Variants in CHST9 observed in about 807,000 individuals in gnomAD.
CHST9 encodes the protein carbohydrate sulfotransferase 9.
A neutral mutation model predicts 44.4 loss-of-function variants in CHST9; 41 were observed. The observed-to-expected ratio is 0.92, with a 90% CI of 0.72 to 1.20. The LOEUF (loss-of-function observed/expected upper bound fraction) is 1.20, where lower values mean the gene tolerates loss of function less well. Among genes scored for constraint, CHST9 ranks in the 50% most tolerant of loss-of-function variants. CHST9 has a pLI of 0.00. For synonymous variants in CHST9, 171 were observed against 178.4 expected (o/e 0.96, Z 0.33); for missense variants, 504 against 516.5 (o/e 0.98, Z 0.23).
intron 1 of CHST9, among the ~76,000 whole-genome samples, chr18:27,154,091 T>C (rs1019739136): frequency 8.5e-5 from 13 of 152,158 alleles, no homozygotes; most frequent in Non-Finnish European, 1.9e-4. Context: ...GGCAAGCCAA[T>C]ACATTTTTAT....
At chr18:27,056,752 G>A (rs550823832) in intron 2 of CHST9, among the ~76,000 whole-genome samples, 8 of 152,132 alleles carry the variant, frequency 5.3e-5, no homozygotes, top group African/African-American at 1.9e-4. Context: ...TATCCTTAAG[G>A]TCGATGACTT....
chr18:27,105,380 T>C (rs1326463379), intron 2 of CHST9, among the ~76,000 whole-genome samples: 1 of 152,148 alleles, frequency 6.6e-6, no homozygotes, highest in Non-Finnish European at 1.5e-5. Context: ...GACTTCTGTC[T>C]TTGTCAGACC....
chr18:27,025,690 T>C (rs2057278009), intron 3 of CHST9, among the ~76,000 whole-genome samples: 1 of 152,150 alleles, frequency 6.6e-6, no homozygotes, highest in South Asian at 2.1e-4. Context: ...GGTCCTTCAG[T>C]ACAACTGATC....
At chr18:27,064,638 T>C (rs1450808302) in intron 2 of CHST9, among the ~76,000 whole-genome samples, 1 of 152,216 alleles carries the variant, frequency 6.6e-6, no homozygotes, top group East Asian at 1.9e-4. Context: ...CATAAACATT[T>C]GAAAGAAATG....
At chr18:27,084,063 TG>T (rs1255978541) in intron 2 of CHST9, among the ~76,000 whole-genome samples, 8 of 152,030 alleles carry the variant, frequency 5.3e-5, no homozygotes, top group Non-Finnish European at 8.8e-5. Flanking sequence ...TGAGGATTTT[TG>T]TATCTATGTT....
intron 5 of CHST9, among the ~76,000 whole-genome samples, chr18:26,942,242 G>T (rs1488395255): frequency 6.6e-6 from 1 of 152,046 alleles, no homozygotes; most frequent in Non-Finnish European, 1.5e-5. Context: ...TTTTTGAATT[G>T]TATTGCCAGT....
chr18:27,098,506 T>C (rs1437643644), intron 2 of CHST9, among the ~76,000 whole-genome samples: 1 of 152,146 alleles, frequency 6.6e-6, no homozygotes, highest in Non-Finnish European at 1.5e-5. Flanking sequence ...TGCACATGTA[T>C]GTTTACTCCG....
In CHST9 at chr18:26,908,946, T is replaced by C. The variant is rs181480257; in HGVS notation, c.*7313A>G. Reference sequence around the variant, plus strand: ...TTTTAGTTTTTATTGGAGAAACTCATATTGTCTTCACTTGTTCAATGTGAA... The same window carrying C: ...TTTTAGTTTTTATTGGAGAAACTCACATTGTCTTCACTTGTTCAATGTGAA... On this transcript the variant is annotated 3_prime_UTR_variant, in exon 6 of 6. Coordinates refer to ENST00000618847, the MANE Select transcript of CHST9 (RefSeq NM_031422.6). 1 of 152,368 alleles carries C rather than the reference T, an allele frequency of 6.6e-6. No individual in the cohort carries two copies. 9.4% of individuals were successfully genotyped at this position (152,368 alleles called of 1,614,324 possible).
chr18:26,994,740 C>T (rs1460987985), intron 4 of CHST9, among the ~76,000 whole-genome samples: 3 of 152,022 alleles, frequency 2.0e-5, no homozygotes, highest in African/African-American at 7.2e-5. Flanking sequence ...AGGTGTGTAT[C>T]ACCGCACCCA....
chr18:27,064,724 C>T (rs1450049834), intron 2 of CHST9, among the ~76,000 whole-genome samples: 1 of 151,942 alleles, frequency 6.6e-6, no homozygotes, highest in East Asian at 1.9e-4. Context: ...CTGGCTAGTC[C>T]AGAGACTTTC....
At chr18:27,079,078 G>A (rs544589094) in intron 2 of CHST9, among the ~76,000 whole-genome samples, 42 of 152,166 alleles carry the variant, frequency 2.8e-4, no homozygotes, top group African/African-American at 9.9e-4. Context: ...GCAATGAGTG[G>A]GCGTACTCTG....
chr18:27,042,467 G>A (rs906953580), intron 3 of CHST9, among the ~76,000 whole-genome samples: 1 of 152,070 alleles, frequency 6.6e-6, no homozygotes, highest in African/African-American at 2.4e-5. Context: ...ACTGAATGCA[G>A]AGCTGGGAAG....
At chr18:26,955,704 G>T (rs550866299) in intron 4 of CHST9, among the ~76,000 whole-genome samples, 2 of 152,248 alleles carry the variant, frequency 1.3e-5, no homozygotes, top group East Asian at 3.9e-4. Context: ...TCCAAATAAG[G>T]AAGAGGCAGG....
rs558359119 is a variant in CHST9 at position 27,021,409 on chromosome 18, G to A, written c.202+2707C>T. Among the ~76,000 whole-genome samples the A allele has an allele frequency of 5.3e-5, 8 of 152,084 alleles. No individual in the cohort carries two copies. In the South Asian group the frequency reaches 1.5e-3, roughly 28 times the overall value. On this transcript the variant is annotated intron_variant, in intron 4 of 5. Transcript: ENST00000618847. ...ATTCTGTCAAACTAATGCTGAGGCC[G>A]GAGAACAGGGCCTCTAAACTTCTGA...
chr18:26,960,219 G>A (rs565485900), intron 4 of CHST9, among the ~76,000 whole-genome samples: 2 of 152,182 alleles, frequency 1.3e-5, no homozygotes, highest in East Asian at 3.9e-4. Flanking sequence ...GGAGAAGAGA[G>A]CGTAGAAGAC....
At chr18:27,049,114 T>C (rs2143563078) in intron 2 of CHST9, among the ~76,000 whole-genome samples, 1 of 152,212 alleles carries the variant, frequency 6.6e-6, no homozygotes, top group African/African-American at 2.4e-5. Flanking sequence ...CTTGCACACT[T>C]ACAGCAGTGC....
In CHST9 at chr18:26,968,580, T is replaced by C. The variant is rs1367042669; in HGVS notation, c.203-24214A>G. On this transcript the variant is annotated intron_variant, in intron 4 of 5. Coordinates refer to ENST00000618847, the MANE Select transcript of CHST9 (RefSeq NM_031422.6). ...CTAAATAAGTTTTAAGTCTGCTGTC[T>C]TTTGAAGTCATGAAAATTTGTTTGC... Among the ~76,000 whole-genome samples, 3 of 152,244 alleles carry C rather than the reference T, an allele frequency of 2.0e-5. No individual in the cohort carries two copies. In the South Asian group the frequency reaches 6.2e-4, roughly 31 times the overall value.
intron 4 of CHST9, among the ~76,000 whole-genome samples, chr18:26,945,997 G>A (rs74899090): frequency 0.011 from 1,627 of 152,264 alleles, 30 homozygotes; most frequent in African/African-American, 0.038. Flanking sequence ...AAATTGAATG[G>A]TGATGTTCAG....
chr18:27,077,724 A>T (rs898494832), intron 2 of CHST9, among the ~76,000 whole-genome samples: 2 of 152,218 alleles, frequency 1.3e-5, no homozygotes, highest in Non-Finnish European at 2.9e-5. Context: ...CTTGCCAATT[A>T]TTAGTAGGTA....
Sources: allele counts gnomAD v4.1 joint callset (sites outside exome capture counted in the v4.1 genomes callset), GRCh38; gene constraint gnomAD v4.1.1; transcripts MANE v1.5; gene names NCBI Gene and HGNC (gene_info 2026-07-23, HGNC 2026-07-21).